Variants in CHCHD3 observed in about 807,000 individuals in gnomAD.
CHCHD3 encodes the protein MICOS complex subunit MIC19.
CHCHD3 carries 20 observed loss-of-function variants against 38.2 expected under a neutral mutation model. The observed-to-expected ratio is 0.52, with a 90% CI of 0.37 to 0.76. The LOEUF (loss-of-function observed/expected upper bound fraction) is 0.76, where lower values mean the gene tolerates loss of function less well. CHCHD3 is among the 30% of genes least tolerant of loss of function. The pLI is 0.00. For synonymous variants in CHCHD3, 82 were observed against 100.0 expected, an observed-to-expected ratio of 0.82 and a Z score of 1.07; for missense variants, 245 against 279.2, an observed-to-expected ratio of 0.88 and a Z score of 0.87.
intron 5 of CHCHD3, among the ~76,000 whole-genome samples, chr7:132,853,978 G>C (rs1808282880): frequency 6.6e-6 from 1 of 152,098 alleles, no homozygotes. Context: ...AAAATCATTT[G>C]ATTTTACCCT....
chr7:133,014,709 C>T (rs939654638), intron 3 of CHCHD3, among the ~76,000 whole-genome samples: 2 of 151,360 alleles, frequency 1.3e-5, no homozygotes, highest in Middle Eastern at 3.5e-3. Flanking sequence ...TAGAGAGAAA[C>T]GTAAATATTT....
At chr7:133,043,165 A>AC (rs1813879508) in intron 2 of CHCHD3, among the ~76,000 whole-genome samples, 1 of 152,020 alleles carries the variant, frequency 6.6e-6, no homozygotes, top group Non-Finnish European at 1.5e-5. Flanking sequence ...ATCACACCCA[A>AC]CCCTTAATAA....
At chr7:133,047,049 C>T (rs1418190992) in intron 2 of CHCHD3, among the ~76,000 whole-genome samples, 1 of 152,142 alleles carries the variant, frequency 6.6e-6, no homozygotes, top group Non-Finnish European at 1.5e-5. Context: ...CTCATAGCCT[C>T]GGTTTCTTCG....
intron 4 of CHCHD3, among the ~76,000 whole-genome samples, chr7:132,963,402 C>T (rs1311767933): frequency 1.0e-4 from 13 of 128,768 alleles, no homozygotes; most frequent in South Asian, 4.9e-4. Context: ...GAGGCCAAGG[C>T]GGGCGGATCA....
At chr7:132,854,767 T>G (rs987039750) in intron 5 of CHCHD3, among the ~76,000 whole-genome samples, 1 of 152,116 alleles carries the variant, frequency 6.6e-6, no homozygotes, top group Admixed American at 6.6e-5. Flanking sequence ...TTTTTTTTTT[T>G]AAATTTAGTT....
At chr7:132,959,542 GTGAAACTCTGTCTCCGA>G (rs1562921590) in intron 4 of CHCHD3, among the ~76,000 whole-genome samples, 2 of 152,014 alleles carry the variant, frequency 1.3e-5, no homozygotes, top group Non-Finnish European at 2.9e-5. Flanking sequence ...GGCCAACATG[GTGAAACTCTGTCTCCGA>G]TGAAAATACA....
chr7:132,973,690 C>A, intron 4 of CHCHD3: 1 of 1,031,788 alleles, frequency 9.7e-7, no homozygotes, highest in Middle Eastern at 4.8e-4. Flanking sequence ...ATTCATTACG[C>A]ATGGACTTCC....
intron 4 of CHCHD3, among the ~76,000 whole-genome samples, chr7:132,940,010 AG>A (rs1396672996): frequency 6.6e-6 from 1 of 152,202 alleles, no homozygotes; most frequent in Non-Finnish European, 1.5e-5. Flanking sequence ...GTTATCTAAA[AG>A]GCGTGAGTGA....
intron 5 of CHCHD3, among the ~76,000 whole-genome samples, chr7:132,867,074 C>T (rs1377790011): frequency 2.0e-5 from 3 of 152,126 alleles, no homozygotes; most frequent in Non-Finnish European, 4.4e-5. Flanking sequence ...GAACCCATCA[C>T]CACTTGACAT....
At chr7:132,944,259 A>T (rs1300309484) in intron 4 of CHCHD3, among the ~76,000 whole-genome samples, 1 of 152,016 alleles carries the variant, frequency 6.6e-6, no homozygotes, top group Non-Finnish European at 1.5e-5. Flanking sequence ...TTAGGAACAC[A>T]GTACTGTTGG....
At chr7:133,069,012 A>AAACC (rs1814746751) in intron 2 of CHCHD3, among the ~76,000 whole-genome samples, 2 of 152,256 alleles carry the variant, frequency 1.3e-5, no homozygotes, top group South Asian at 4.2e-4. Context: ...AACGATTTCA[A>AAACC]AACCGTATAT....
intron 4 of CHCHD3, among the ~76,000 whole-genome samples, chr7:132,936,636 T>C (rs1037938699): frequency 6.6e-6 from 1 of 152,220 alleles, no homozygotes; most frequent in African/African-American, 2.4e-5. Flanking sequence ...CCACATGCTG[T>C]GTTCTTAAGA....
At chr7:132,844,402 C>G (rs1562883060) in intron 5 of CHCHD3, among the ~76,000 whole-genome samples, 2 of 152,204 alleles carry the variant, frequency 1.3e-5, no homozygotes, top group Non-Finnish European at 2.9e-5. Context: ...AACAACATAT[C>G]ACTTCTGTGC....
At chr7:133,024,343 TCA>T (rs926558594) in intron 3 of CHCHD3, among the ~76,000 whole-genome samples, 2 of 152,170 alleles carry the variant, frequency 1.3e-5, no homozygotes, top group African/African-American at 4.8e-5. Flanking sequence ...TAATGGTAAT[TCA>T]CAGTCAGCTT....
chr7:133,069,928 A>T (rs1451499946), intron 2 of CHCHD3, among the ~76,000 whole-genome samples: 1 of 152,256 alleles, frequency 6.6e-6, no homozygotes, highest in Non-Finnish European at 1.5e-5. Context: ...GAGTGGGAAG[A>T]GAAAACAAAA....
At chr7:133,013,446 G>T (rs184238475) in intron 3 of CHCHD3, among the ~76,000 whole-genome samples, 2 of 152,274 alleles carry the variant, frequency 1.3e-5, no homozygotes, top group African/African-American at 4.8e-5. Context: ...CCATAGGGCT[G>T]CTATGAAGGT....
intron 3 of CHCHD3, among the ~76,000 whole-genome samples, chr7:133,001,607 G>C (rs368499129): frequency 2.6e-5 from 4 of 152,250 alleles, no homozygotes; most frequent in East Asian, 3.9e-4. Flanking sequence ...ACATGGCATA[G>C]CTTTCCAGAA....
chr7:132,854,160 T>C (rs1808288663), intron 5 of CHCHD3, among the ~76,000 whole-genome samples: 1 of 152,188 alleles, frequency 6.6e-6, no homozygotes, highest in Non-Finnish European at 1.5e-5. Context: ...AAAGGCTTCA[T>C]GTCTGGAAAT....
intron 4 of CHCHD3, among the ~76,000 whole-genome samples, chr7:132,904,134 G>A (rs532111284): frequency 2.0e-5 from 3 of 152,094 alleles, no homozygotes; most frequent in South Asian, 2.1e-4. Flanking sequence ...GGTGGCATGC[G>A]CCTGTAGTCC....
Sources: allele counts gnomAD v4.1 joint callset (sites outside exome capture counted in the v4.1 genomes callset), GRCh38; gene constraint gnomAD v4.1.1; transcripts MANE v1.5; gene names NCBI Gene and HGNC (gene_info 2026-07-23, HGNC 2026-07-21).